The following NEO1 variants were observed in gnomAD, a reference collection of about 807,000 sequenced individuals.
NEO1 encodes neogenin.
NEO1 carries 63 observed loss-of-function variants against 159.7 expected under a neutral mutation model. The ratio of observed to expected loss-of-function variants is 0.39; its 90% confidence interval spans 0.32 to 0.49. The LOEUF (loss-of-function observed/expected upper bound fraction) is 0.49, where lower values mean the gene tolerates loss of function less well. Ranked by LOEUF, NEO1 falls within the 20% of genes least tolerant of loss-of-function variation. The pLI is 0.85. For synonymous variants in NEO1, 633 were observed against 662.0 expected (o/e 0.96, Z 0.67); for missense variants, 1,615 against 1,831.0 (o/e 0.88, Z 2.15).
intron 18 of NEO1, among the ~76,000 whole-genome samples, chr15:73,271,764 G>T (rs1254448773): frequency 6.6e-6 from 1 of 152,002 alleles, no homozygotes; most frequent in Admixed American, 6.6e-5. Flanking sequence ...AAAATTAGCT[G>T]GATGTGGTGG....
rs577548523 is a variant in NEO1 at position 73,146,184 on chromosome 15, T to C, written c.1015+10157T>C. 3.3e-5 allele frequency among the ~76,000 whole-genome samples: 5 copies of C among 152,248 alleles called. No individual in the cohort carries two copies. The East Asian group carries it at 5.8e-4, about 18-fold the overall frequency. ...TGTTTTACGTATCACATTTACATTTTCCCCCCAGTTTTTGTATCCAGTTTC... is the reference window on the plus strand; with the variant it reads ...TGTTTTACGTATCACATTTACATTTCCCCCCCAGTTTTTGTATCCAGTTTC... On this transcript the variant is annotated intron_variant, in intron 5 of 28. Coordinates refer to ENST00000261908, the MANE Select transcript of NEO1 (RefSeq NM_002499.4).
intron 1 of NEO1, among the ~76,000 whole-genome samples, chr15:73,087,328 CTTATA>C (rs1187620069): frequency 7.2e-5 from 11 of 152,122 alleles, no homozygotes; most frequent in Non-Finnish European, 8.8e-5. Flanking sequence ...GTTGAGCAAT[CTTATA>C]TTAGGATAAA....
Position 73,236,398 on chromosome 15 carries a change from C to A in NEO1, c.1343C>A (p.Ser448Tyr). ...LPSAPRDVVA[S>Y]LVSTRFIKLT... is the part of the protein sequence containing the mutation. ...TCAGCTCCTCGGGATGTCGTGGCCT[C>A]CCTGGTCTCTACCCGCTTCATCAAA... The change falls in exon 8 of 29, where the codon TCC (serine) becomes TAC (tyrosine). Residue 448 changes from serine to tyrosine, a missense_variant. Transcript: ENST00000261908. 1 of 1,614,172 alleles carries A rather than the reference C, an allele frequency of 6.2e-7. No homozygotes were observed. Among genetic ancestry groups the A allele is most frequent in the South Asian group, 1.1e-5 (1 of 91,076 alleles).
chr15:73,150,125 T>A (rs926184126), intron 5 of NEO1, among the ~76,000 whole-genome samples: 1 of 152,216 alleles, frequency 6.6e-6, no homozygotes, highest in Non-Finnish European at 1.5e-5. Context: ...AGAATTTACA[T>A]GGACTGAATT....
At chr15:73,203,529 A>G (rs1279244943) in intron 7 of NEO1, among the ~76,000 whole-genome samples, 2 of 152,004 alleles carry the variant, frequency 1.3e-5, no homozygotes, top group Non-Finnish European at 2.9e-5. Flanking sequence ...TGTTCATTGC[A>G]TTGGTTATTG....
intron 7 of NEO1, among the ~76,000 whole-genome samples, chr15:73,222,714 T>C (rs534346285): frequency 3.2e-4 from 48 of 152,336 alleles, no homozygotes; most frequent in African/African-American, 1.2e-3. Context: ...TAAATTGTTC[T>C]TTGATGTAAA....
chr15:73,298,568 C>T lies in NEO1; in HGVS notation c.4122C>T (p.Thr1374=), dbSNP rs2042470118. 2 of 1,614,218 alleles carry T rather than the reference C, an allele frequency of 1.2e-6. No homozygotes were observed. Among genetic ancestry groups the T allele is most frequent in the Non-Finnish European group, 1.7e-6 (2 of 1,180,042 alleles). Residue 1374 remains threonine (T), a synonymous_variant, in exon 27 of 29, where the codon ACC becomes ACT. Coordinates refer to ENST00000261908, the MANE Select transcript of NEO1 (RefSeq NM_002499.4). ...VPAIPPPGPP[T]YDPALPSTPL... is the part of the protein sequence containing the mutation. Reference sequence around the variant, plus strand: ...CAATCCCGCCTCCAGGACCTCCCACCTATGATCCTGCATTGCCAAGCACAC... The same window carrying T: ...CAATCCCGCCTCCAGGACCTCCCACTTATGATCCTGCATTGCCAAGCACAC...
At chr15:73,206,822 CGTGTGTGTGTGTATGTGTGTGTGTGCGT>C (rs1404108340) in intron 7 of NEO1, among the ~76,000 whole-genome samples, 3 of 102,340 alleles carry the variant, frequency 2.9e-5, no homozygotes, top group South Asian at 7.2e-4. Context: ...TTTTCTTTTT[CGTGTGTGTGTGTATGTGTGTGTGTGCGT>C]GTGTGTGTGT....
intron 7 of NEO1, among the ~76,000 whole-genome samples, chr15:73,205,229 G>A (rs977481267): frequency 6.6e-6 from 1 of 152,144 alleles, no homozygotes; most frequent in Non-Finnish European, 1.5e-5. Context: ...TCTTCCCCCT[G>A]TTCCCTATTC....
Position 73,065,563 on chromosome 15 carries a change from C to G in NEO1, c.130+12758C>G, listed in dbSNP as rs1391649021. Among the ~76,000 whole-genome samples, 3 of 152,076 alleles carry G rather than the reference C, an allele frequency of 2.0e-5. No homozygotes were observed. In the East Asian group the frequency reaches 5.8e-4, roughly 29 times the overall value. On this transcript the variant is annotated intron_variant, in intron 1 of 28. Coordinates refer to ENST00000261908, the MANE Select transcript of NEO1 (RefSeq NM_002499.4). ...AACTCTATCTTTTCTAGTAAGAAGTCAACTGTCTTATTTTTCTTCTTTTGT... is the reference window on the plus strand; with the variant it reads ...AACTCTATCTTTTCTAGTAAGAAGTGAACTGTCTTATTTTTCTTCTTTTGT...
intron 22 of NEO1, among the ~76,000 whole-genome samples, chr15:73,280,234 C>T (rs1208388001): frequency 6.6e-6 from 1 of 150,870 alleles, no homozygotes; most frequent in East Asian, 2.0e-4. Flanking sequence ...TGCAGTGAGC[C>T]GAGGTCACAC....
At chr15:73,213,934 G>GT (rs944902257) in intron 7 of NEO1, among the ~76,000 whole-genome samples, 5 of 152,116 alleles carry the variant, frequency 3.3e-5, no homozygotes, top group Non-Finnish European at 7.4e-5. Context: ...AACATCTACT[G>GT]TTTTTTGATT....
intron 23 of NEO1, among the ~76,000 whole-genome samples, chr15:73,283,997 C>T (rs901046934): frequency 5.3e-5 from 8 of 152,122 alleles, no homozygotes; most frequent in African/African-American, 1.7e-4. Context: ...TGGCTGCTAG[C>T]CTTGAACTCC....
intron 26 of NEO1, among the ~76,000 whole-genome samples, chr15:73,296,678 C>G (rs959907366): frequency 6.6e-6 from 1 of 152,194 alleles, no homozygotes; most frequent in African/African-American, 2.4e-5. Context: ...CCCCTCCCCC[C>G]GCAGTGGAGG....
At chr15:73,147,904 C>G (rs2033050932) in intron 5 of NEO1, among the ~76,000 whole-genome samples, 1 of 151,820 alleles carries the variant, frequency 6.6e-6, no homozygotes, top group South Asian at 2.1e-4. Context: ...TCCTCCACCT[C>G]CTGGGTTCAA....
At chr15:73,126,645 C>G in intron 4 of NEO1, 75 bp downstream of exon 4, 1 of 1,393,412 alleles carries the variant, frequency 7.2e-7, no homozygotes, top group South Asian at 1.5e-5. Flanking sequence ...GGACTATTGA[C>G]TAATTTAAAA....
intron 1 of NEO1, among the ~76,000 whole-genome samples, chr15:73,073,109 T>C (rs1035807983): frequency 1.3e-5 from 2 of 152,156 alleles, no homozygotes; most frequent in African/African-American, 4.8e-5. Context: ...TTGTGAGTCA[T>C]ATGCTTAGAA....
At chr15:73,231,275 G>A (rs1443805458) in intron 7 of NEO1, among the ~76,000 whole-genome samples, 1 of 152,002 alleles carries the variant, frequency 6.6e-6, no homozygotes, top group African/African-American at 2.4e-5. Context: ...GGCACACATG[G>A]AACAACCTCC....
chr15:73,281,194 C>T lies in NEO1; in HGVS notation c.3263-1770C>T, dbSNP rs1312687010. ...CTGTACTCCAGCCTGGACGACAGAG[C>T]GAGACTCAAAAAAAAAAAAAACACA... is the stretch of plus-strand genomic sequence containing the variant. On this transcript the variant is annotated intron_variant, in intron 22 of 28. Transcript: ENST00000261908. Among the ~76,000 whole-genome samples, 14 of 115,762 alleles carry T rather than the reference C, an allele frequency of 1.2e-4. No individual in the cohort carries two copies. In the East Asian group the frequency reaches 1.2e-3, roughly 10 times the overall value. 75.9% of individuals were successfully genotyped at this position (115,762 alleles called of 152,430 possible). A position where few individuals can be genotyped will look rare whatever the true frequency, so the allele number is the denominator to read the frequency against.
Sources: gnomAD v4.1 joint callset for allele counts (sites outside exome capture counted in the v4.1 genomes callset) on GRCh38, gnomAD v4.1.1 for gene constraint, MANE v1.5 for transcripts, NCBI Gene and HGNC (gene_info 2026-07-23, HGNC 2026-07-21) for gene names.